ASIC2: variants seen among roughly 807,000 people sequenced by gnomAD.
The protein encoded by ASIC2 is acid sensing ion channel subunit 2.
Under a neutral mutation model 57.3 loss-of-function variants are expected in ASIC2, and 25 were observed. That is an observed-to-expected ratio of 0.44 (90% CI 0.32 to 0.61). The LOEUF is 0.61. Among genes scored for constraint, ASIC2 ranks in the 20% least tolerant of loss-of-function variants. The pLI is 0.06. For missense variants in ASIC2, 641 were observed against 738.1 expected (o/e 0.87, Z 1.52); for synonymous variants, 319 against 307.5 (o/e 1.04, Z -0.39).
chr17:33,861,915 C>T (rs1254498606), intron 1 of ASIC2, among the ~76,000 whole-genome samples: 3 of 152,190 alleles, frequency 2.0e-5, no homozygotes, highest in Non-Finnish European at 2.9e-5. Context: ...GAGACCGTGG[C>T]AAATACAAAG....
intron 1 of ASIC2, among the ~76,000 whole-genome samples, chr17:33,119,333 T>C (rs1248666608): frequency 6.6e-6 from 1 of 152,092 alleles, no homozygotes; most frequent in Non-Finnish European, 1.5e-5. Context: ...CTCAGTGAGC[T>C]ACTGAAATTT....
intron 1 of ASIC2, among the ~76,000 whole-genome samples, chr17:33,326,250 A>G (rs911341291): frequency 1.3e-5 from 2 of 152,216 alleles, no homozygotes; most frequent in African/African-American, 4.8e-5. Flanking sequence ...CATTATACCC[A>G]TTTTATGAGC....
intron 1 of ASIC2, among the ~76,000 whole-genome samples, chr17:33,486,629 T>C (rs2141930911): frequency 6.6e-6 from 1 of 152,274 alleles, no homozygotes; most frequent in East Asian, 1.9e-4. Context: ...AACTTACACC[T>C]CATTAAAGCC....
intron 3 of ASIC2, among the ~76,000 whole-genome samples, chr17:33,029,418 T>C (rs561571251): frequency 6.6e-6 from 1 of 152,372 alleles, no homozygotes; most frequent in South Asian, 2.1e-4. Flanking sequence ...CTCAACATAG[T>C]GTCTCTGAGG....
intron 1 of ASIC2, among the ~76,000 whole-genome samples, chr17:34,020,474 C>T (rs533783480): frequency 1.3e-5 from 2 of 152,304 alleles, no homozygotes; most frequent in South Asian, 2.1e-4. Context: ...GCTTGCTCTC[C>T]TTCCCAACCT....
At chr17:33,957,496 C>T (rs573934105) in intron 1 of ASIC2, among the ~76,000 whole-genome samples, 1 of 152,180 alleles carries the variant, frequency 6.6e-6, no homozygotes. Context: ...TGATAGAAGG[C>T]AAAGGAGTAA....
chr17:33,219,864 T>C (rs1208010188), intron 1 of ASIC2, among the ~76,000 whole-genome samples: 2 of 152,192 alleles, frequency 1.3e-5, no homozygotes, highest in Non-Finnish European at 2.9e-5. Context: ...CATTTGTTCA[T>C]TCCCAGGATG....
intron 1 of ASIC2, among the ~76,000 whole-genome samples, chr17:34,008,702 T>C (rs73986805): frequency 0.013 from 1,930 of 152,302 alleles, 35 homozygotes; most frequent in African/African-American, 0.044. Context: ...ACTTGGCCCC[T>C]GTATGGAGGC....
chr17:33,751,681 T>C (rs1910436157), intron 1 of ASIC2, among the ~76,000 whole-genome samples: 1 of 152,202 alleles, frequency 6.6e-6, no homozygotes, highest in Non-Finnish European at 1.5e-5. Context: ...GTTTACTTTT[T>C]CTTTCCTTTG....
At chr17:33,242,792 A>G (rs1366563945) in intron 1 of ASIC2, among the ~76,000 whole-genome samples, 3 of 152,036 alleles carry the variant, frequency 2.0e-5, no homozygotes, top group African/African-American at 7.2e-5. Flanking sequence ...GTTTCCATCA[A>G]TGGTGGTTAA....
intron 1 of ASIC2, among the ~76,000 whole-genome samples, chr17:33,672,724 T>C (rs904039443): frequency 6.6e-6 from 1 of 152,204 alleles, no homozygotes; most frequent in Non-Finnish European, 1.5e-5. Flanking sequence ...TAATACAACC[T>C]GTATTCAAGT....
intron 1 of ASIC2, among the ~76,000 whole-genome samples, chr17:34,153,151 G>A (rs971091419): frequency 6.6e-6 from 1 of 152,182 alleles, no homozygotes; most frequent in African/African-American, 2.4e-5. Context: ...CTAAGAGCTT[G>A]GAATAAGAAA....
At chr17:33,337,745 G>A (rs1284028726) in intron 1 of ASIC2, among the ~76,000 whole-genome samples, 2 of 152,042 alleles carry the variant, frequency 1.3e-5, no homozygotes, top group African/African-American at 2.4e-5. Flanking sequence ...TGTTCTGGAA[G>A]GGCAAAGAAA....
intron 1 of ASIC2, among the ~76,000 whole-genome samples, chr17:33,500,095 A>G (rs1242543586): frequency 2.6e-5 from 4 of 152,206 alleles, no homozygotes; most frequent in Non-Finnish European, 5.9e-5. Context: ...GGCTGAGACT[A>G]CATACAGAAA....
At chr17:33,685,068 T>C (rs1908138495) in intron 1 of ASIC2, among the ~76,000 whole-genome samples, 1 of 152,224 alleles carries the variant, frequency 6.6e-6, no homozygotes, top group Non-Finnish European at 1.5e-5. Flanking sequence ...AAAGTCCTGC[T>C]AACTGCATGA....
At chr17:33,716,479 TG>T (rs1319447610) in intron 1 of ASIC2, among the ~76,000 whole-genome samples, 1 of 152,182 alleles carries the variant, frequency 6.6e-6, no homozygotes, top group Non-Finnish European at 1.5e-5. Context: ...CACTGAGAGT[TG>T]GGCTCAAAGT....
At chr17:33,968,919 G>C (rs1246969356) in intron 1 of ASIC2, among the ~76,000 whole-genome samples, 1 of 152,220 alleles carries the variant, frequency 6.6e-6, no homozygotes, top group East Asian at 1.9e-4. Flanking sequence ...GTGGTGAAGG[G>C]TGGTCAGCCT....
chr17:33,845,475 G>GTGGGAAGAACATACATTTAGTGGGAA lies in ASIC2; in HGVS notation c.555+310502_555+310503insTTCCCACTAAATGTATGTTCTTCCCA, dbSNP rs546802844. 4.1e-3 allele frequency among the ~76,000 whole-genome samples: 625 copies of GTGGGAAGAACATACATTTAGTGGGAA among 152,192 alleles called. 3 individuals carry two copies. Among genetic ancestry groups the GTGGGAAGAACATACATTTAGTGGGAA allele is most frequent in the African/African-American group, 0.013 (548 of 41,514 alleles). ...CAGCCTTGAATGAAAGAGATAATAT[G>GTGGGAAGAACATACATTTAGTGGGAA]GTATAGTGGGAAGAACATACATTTA... On this transcript the variant is annotated intron_variant, in intron 1 of 9. Transcript: ENST00000359872.
chr17:33,697,546 T>C (rs976174545), intron 1 of ASIC2, among the ~76,000 whole-genome samples: 1 of 152,210 alleles, frequency 6.6e-6, no homozygotes, highest in African/African-American at 2.4e-5. Flanking sequence ...TTGACTGATA[T>C]GGTTGATGAG....
Sources: allele counts gnomAD v4.1 joint callset (sites outside exome capture counted in the v4.1 genomes callset), GRCh38; gene constraint gnomAD v4.1.1; transcripts MANE v1.5; gene names NCBI Gene and HGNC (gene_info 2026-07-23, HGNC 2026-07-21).